The following KMT2E variants were observed in gnomAD, a reference collection of about 807,000 sequenced individuals.
KMT2E encodes lysine methyltransferase 2E (inactive).
In KMT2E, 30 loss-of-function variants were observed where a neutral mutation model predicts 184.6. The observed-to-expected ratio is 0.16, with a 90% confidence interval of 0.12 to 0.22. The LOEUF (loss-of-function observed/expected upper bound fraction) is 0.22. KMT2E is among the 10% of genes least tolerant of loss of function. The pLI is 1.00. For missense variants in KMT2E, 2,023 were observed against 2,237.4 expected, an observed-to-expected ratio of 0.90 and a Z score of 1.93; for synonymous variants, 815 against 776.5, an observed-to-expected ratio of 1.05 and a Z score of -0.82.
At chr7:105,025,498 A>T (rs1795141637) in intron 1 of KMT2E, among the ~76,000 whole-genome samples, 1 of 152,128 alleles carries the variant, frequency 6.6e-6, no homozygotes, top group Non-Finnish European at 1.5e-5. Flanking sequence ...AAAATGTTTT[A>T]TGTAGGTACT....
At chr7:105,090,330 T>C in intron 14 of KMT2E, 57 bp downstream of exon 14, 2 of 1,525,726 alleles carry the variant, frequency 1.3e-6, no homozygotes, top group Non-Finnish European at 1.8e-6. Context: ...ATCTGTCATA[T>C]TTTATCCTCT....
intron 13 of KMT2E, among the ~76,000 whole-genome samples, chr7:105,083,990 T>A (rs1178167816): frequency 1.3e-5 from 2 of 152,184 alleles, no homozygotes; most frequent in Non-Finnish European, 2.9e-5. Context: ...TATTAGGATC[T>A]ATAGCTATGT....
In KMT2E at chr7:105,068,650, T is replaced by G. The variant is rs1443659015; in HGVS notation, c.497+1843T>G. Among the ~76,000 whole-genome samples, 74 of 148,680 alleles carry G rather than the reference T, an allele frequency of 5.0e-4. 2 individuals are homozygous for G. Among genetic ancestry groups the G allele is most frequent in the Non-Finnish European group, 2.1e-4 (14 of 67,394 alleles). ...TTTTTTTTTTTTTTGTTTTTTTTTT[T>G]TTTTTGTAGGCACAGGGTTTCACCA... On this transcript the variant is annotated intron_variant, in intron 6 of 26. Coordinates refer to ENST00000311117, the MANE Select transcript of KMT2E (RefSeq NM_182931.3).
At chr7:105,062,065 A>G (rs1245837213) in intron 3 of KMT2E, 99 bp from the exon 4 acceptor site, 3 of 761,654 alleles carry the variant, frequency 3.9e-6, no homozygotes, top group African/African-American at 3.4e-5. Flanking sequence ...GTATTTGTAT[A>G]GCCATTATTT....
rs981054177 is a variant in KMT2E, at chr7:105,035,022, ATTTTTTTTTTT to A, written c.-188-3094_-188-3084del. 3.1e-5 allele frequency among the ~76,000 whole-genome samples: 4 copies of A among 129,722 alleles called. No individual in the cohort carries two copies. The South Asian group carries it at 9.8e-4, about 32-fold the overall frequency. 85.1% of individuals were successfully genotyped at this position (129,722 alleles called of 152,430 possible). On this transcript the variant is annotated intron_variant, in intron 1 of 26. Coordinates refer to ENST00000311117, the MANE Select transcript of KMT2E (RefSeq NM_182931.3). ...AGGTGCCCACCACCACACCTGGCTA[ATTTTTTTTTTT>A]TTTTTTTTTGAGACTGAGTCTTGCT...
At chr7:105,068,607 A>G (rs1313459387) in intron 6 of KMT2E, among the ~76,000 whole-genome samples, 6 of 136,706 alleles carry the variant, frequency 4.4e-5, no homozygotes, top group Non-Finnish European at 9.2e-5. Context: ...CATCGCCACC[A>G]TGCCTGACTA....
intron 3 of KMT2E, among the ~76,000 whole-genome samples, chr7:105,050,385 C>CT (rs1347984594): frequency 2.0e-5 from 3 of 152,144 alleles, no homozygotes; most frequent in East Asian, 3.9e-4. Flanking sequence ...CTTTAAATGT[C>CT]TAAGACTCAA....
intron 2 of KMT2E, among the ~76,000 whole-genome samples, chr7:105,039,780 TATTAC>T (rs1480393586): frequency 1.3e-5 from 2 of 152,116 alleles, no homozygotes; most frequent in Non-Finnish European, 2.9e-5. Flanking sequence ...ATATTTCAGG[TATTAC>T]ATTACAGAGA....
chr7:105,025,244 A>G (rs563725713), intron 1 of KMT2E, among the ~76,000 whole-genome samples: 4 of 152,234 alleles, frequency 2.6e-5, no homozygotes, highest in African/African-American at 9.6e-5. Flanking sequence ...TCTTTGGGCA[A>G]TGTTTTCTAC....
intron 13 of KMT2E, among the ~76,000 whole-genome samples, chr7:105,082,677 T>C (rs900242489): frequency 1.3e-5 from 2 of 152,090 alleles, no homozygotes; most frequent in South Asian, 2.1e-4. Context: ...GAAGCACATA[T>C]GGTGTAACTT....
intron 15 of KMT2E, among the ~76,000 whole-genome samples, chr7:105,100,627 TC>T (rs1447349604): frequency 1.3e-5 from 2 of 152,156 alleles, no homozygotes; most frequent in Non-Finnish European, 2.9e-5. Context: ...TGTTTCTCAG[TC>T]CCTGTCTTGA....
Position 105,035,592 on chromosome 7 carries a change from C to CTTTA in KMT2E, c.-188-2514_-188-2511dup, listed in dbSNP as rs562443240. On this transcript the variant is annotated intron_variant, in intron 1 of 26. Coordinates refer to ENST00000311117, the MANE Select transcript of KMT2E (RefSeq NM_182931.3). Reference sequence around the variant, plus strand: ...TGTTCCATTTAATTTTATTTTCTTGCTTTATTTATTTATTTATTTATTTTG... The same window carrying CTTTA: ...TGTTCCATTTAATTTTATTTTCTTGCTTTATTTATTTATTTATTTATTTATTTTG... Among the ~76,000 whole-genome samples the CTTTA allele has an allele frequency of 1.6e-3, 249 of 151,206 alleles. 6 individuals are homozygous for CTTTA. In the East Asian group the frequency reaches 0.043, roughly 26 times the overall value.
In KMT2E at chr7:105,110,546, A is replaced by G. The variant is rs1370622965; in HGVS notation, c.3914A>G (p.His1305Arg). 6.2e-7 allele frequency: 1 copy of G among 1,614,082 alleles called. No homozygotes were observed. Among genetic ancestry groups the G allele is most frequent in the South Asian group, 1.1e-5 (1 of 91,072 alleles). The change falls in exon 25 of 27, where the codon CAC becomes CGC. Residue 1305 changes from histidine (H) to arginine (R), a missense_variant. Around this residue, in one of 8 missense-constraint regions of KMT2E, gnomAD observed 1,108 missense variants for 1,050.9 expected, o/e 1.05. Coordinates refer to ENST00000311117, the MANE Select transcript of KMT2E (RefSeq NM_182931.3). ...TCTTCACCTTCATCTCATTCAAATCACATACCCCAGTTGCAAGCTAAGGGC... is the reference window on the plus strand; with the variant it reads ...TCTTCACCTTCATCTCATTCAAATCGCATACCCCAGTTGCAAGCTAAGGGC... Reference protein sequence around the residue: ...VQSSPSSHSNHIPQLQAKGPV... With the variant: ...VQSSPSSHSNRIPQLQAKGPV...
Position 105,077,031 on chromosome 7 carries a change from A to G in KMT2E, c.837A>G (p.Ala279=), listed in dbSNP as rs772778475. The change falls in exon 10 of 27, where the codon GCA becomes GCG. Residue 279 remains alanine (A), a synonymous_variant. Coordinates refer to ENST00000311117, the MANE Select transcript of KMT2E (RefSeq NM_182931.3). ...SNFGWETKIK[A]WMDRYEEANN... is the part of the protein sequence containing the mutation. ...TTGGATGGGAGACAAAGATCAAAGC[A>G]TGGATGGATCGATATGAAGAAGCAA... 5.6e-6 allele frequency: 9 copies of G among 1,613,898 alleles called. No individual in the cohort carries two copies. Among genetic ancestry groups the G allele is most frequent in the Non-Finnish European group, 7.6e-6 (9 of 1,180,006 alleles).
At chr7:105,035,222 C>T (rs1352524639) in intron 1 of KMT2E, among the ~76,000 whole-genome samples, 3 of 150,528 alleles carry the variant, frequency 2.0e-5, no homozygotes, top group African/African-American at 4.9e-5. Flanking sequence ...TTAGTAGAGA[C>T]GGGGTTTCAC....
chr7:105,082,388 A>G (rs1163437883), intron 13 of KMT2E, among the ~76,000 whole-genome samples: 5 of 152,206 alleles, frequency 3.3e-5, no homozygotes, highest in Non-Finnish European at 7.3e-5. Flanking sequence ...CTAATAGCCT[A>G]CGGTTGACTG....
intron 14 of KMT2E, among the ~76,000 whole-genome samples, chr7:105,090,604 C>A (rs531450036): frequency 2.7e-4 from 41 of 152,222 alleles, no homozygotes; most frequent in African/African-American, 9.9e-4. Context: ...AATTTTCTTT[C>A]TTTAAACATG....
chr7:105,077,817 G>A (rs993699114), intron 11 of KMT2E: 27 of 180,946 alleles, frequency 1.5e-4, no homozygotes, highest in Admixed American at 1.2e-3. Context: ...GTAATAGCCG[G>A]AATGGAGAAA....
chr7:105,028,648 AG>A (rs1795271717), intron 1 of KMT2E, among the ~76,000 whole-genome samples: 3 of 152,048 alleles, frequency 2.0e-5, no homozygotes, highest in South Asian at 4.1e-4. Flanking sequence ...CTTCATCTGC[AG>A]CACCACACCT....
Sources: allele counts gnomAD v4.1 joint callset (sites outside exome capture counted in the v4.1 genomes callset), GRCh38; gene constraint gnomAD v4.1.1; regional missense constraint gnomAD v4.1.1; transcripts MANE v1.5; gene names NCBI Gene and HGNC (gene_info 2026-07-23, HGNC 2026-07-21).